The following ATP1A4 variants were observed in gnomAD, a reference collection of about 807,000 sequenced individuals.
The protein encoded by ATP1A4 is ATPase Na+/K+ transporting subunit alpha 4.
ATP1A4 carries 90 observed loss-of-function variants against 114.3 expected under a neutral mutation model. That is an observed-to-expected ratio of 0.79 (90% confidence interval 0.66 to 0.94). The LOEUF (loss-of-function observed/expected upper bound fraction) is 0.94, where lower values mean the gene tolerates loss of function less well. ATP1A4 is among the 40% of genes least tolerant of loss of function. The pLI is 0.00. For missense variants in ATP1A4, 1,222 were observed against 1,313.6 expected, an observed-to-expected ratio of 0.93 and a Z score of 1.08; for synonymous variants, 511 against 494.1, an observed-to-expected ratio of 1.03 and a Z score of -0.45.
chr1:160,164,287 A>G lies in ATP1A4; in HGVS notation c.910A>G (p.Thr304Ala), dbSNP rs778876291. 3.1e-6 allele frequency: 5 copies of G among 1,613,982 alleles called. No individual in the cohort carries two copies. The Admixed American group carries it at 8.3e-5, about 27-fold the overall frequency. The change falls in exon 7 of 22, where the codon ACT becomes GCT. Residue 304 changes from threonine (T) to alanine (A), a missense_variant. Thr to Ala is a moderately conservative substitution (Grantham distance 58). Transcript: ENST00000368081. ...GATCGAACACTTCATCCATCTGATC[A>G]CTGTGGTGGCCGTCTTCCTTGGTGT... ...AEIEHFIHLI[T>A]VVAVFLGVTF...
intron 20 of ATP1A4, among the ~76,000 whole-genome samples, chr1:160,183,717 G>A (rs1653786208): frequency 6.6e-6 from 1 of 152,196 alleles, no homozygotes; most frequent in African/African-American, 2.4e-5. Context: ...TTTGACATAT[G>A]AGACTAGGGA....
chr1:160,181,593 C>T, intron 18 of ATP1A4, 91 bp from the exon 19 acceptor site: 1 of 1,459,892 alleles, frequency 6.8e-7, no homozygotes, highest in Non-Finnish European at 9.3e-7. Flanking sequence ...CTGACTCAGC[C>T]CAGGGGTCCT....
At chr1:160,177,930 C>T (rs1653539651) in intron 18 of ATP1A4, among the ~76,000 whole-genome samples, 1 of 152,170 alleles carries the variant, frequency 6.6e-6, no homozygotes, top group African/African-American at 2.4e-5. Context: ...CCTTTGGCTC[C>T]TTGGAGTCTT....
rs1571005689 is a variant in ATP1A4 at position 160,151,759 on chromosome 1, C to T, written c.-282C>T. 2.0e-5 allele frequency: 7 copies of T among 354,922 alleles called. No homozygotes were observed. In the East Asian group the frequency reaches 3.0e-4, roughly 15 times the overall value. 22.0% of individuals were successfully genotyped at this position (354,922 alleles called of 1,614,324 possible). A position where few individuals can be genotyped will look rare whatever the true frequency, so the allele number is the denominator to read the frequency against. On this transcript the variant is annotated 5_prime_UTR_variant, in exon 1 of 22. Transcript: ENST00000368081. ...TCACCTCTACCTTTTTATCCTTCCA[C>T]CCTAGGCTTCTCTCCTCCCTCTTCC... is the stretch of plus-strand genomic sequence containing the variant.
chr1:160,180,100 A>G (rs1319353446), intron 18 of ATP1A4, among the ~76,000 whole-genome samples: 2 of 152,208 alleles, frequency 1.3e-5, no homozygotes, highest in Non-Finnish European at 2.9e-5. Context: ...ATCTCCAAAA[A>G]CAAGGACAGA....
intron 17 of ATP1A4, 152 bp downstream of exon 17, chr1:160,176,754 C>A: frequency 9.5e-7 from 1 of 1,056,722 alleles, no homozygotes; most frequent in Non-Finnish European, 1.3e-6. Flanking sequence ...CATCTCTGAT[C>A]TGTCCTTGAC....
intron 6 of ATP1A4, 141 bp from the exon 7 acceptor site, chr1:160,164,015 T>C (rs1652944921): frequency 8.9e-7 from 1 of 1,117,890 alleles, no homozygotes; most frequent in Admixed American, 2.8e-5. Context: ...AAAGACCAAA[T>C]ATTAGAACAA....
intron 20 of ATP1A4, among the ~76,000 whole-genome samples, chr1:160,184,596 C>T (rs545886042): frequency 1.3e-5 from 2 of 152,114 alleles, no homozygotes; most frequent in African/African-American, 2.4e-5. Flanking sequence ...ATATTGATTA[C>T]ATATTTAACT....
At chr1:160,162,516 C>T (rs1652898021) in intron 6 of ATP1A4, among the ~76,000 whole-genome samples, 1 of 152,184 alleles carries the variant, frequency 6.6e-6, no homozygotes, top group East Asian at 1.9e-4. Context: ...GCGCAAGTTA[C>T]AGCAGGATTT....
At chr1:160,166,913 C>A in intron 8 of ATP1A4, 55 bp from the exon 9 acceptor site, 1 of 1,576,614 alleles carries the variant, frequency 6.3e-7, no homozygotes. Flanking sequence ...TGTGAATAAC[C>A]GCTTGCTTAA....
At position 160,174,559 on chromosome 1, in the gene ATP1A4, C is replaced by A; in HGVS notation, c.2143-20C>A. On this transcript the variant is annotated intron_variant, in intron 14 of 21. Transcript: ENST00000368081. ...TCTGATGCAATAAATTGTTCACTCT[C>A]TCTGTCTGGACTTCCTCAGGGAGCC... 1 of 1,609,042 alleles carries A rather than the reference C, an allele frequency of 6.2e-7. No individual in the cohort carries two copies. Among genetic ancestry groups the A allele is most frequent in the Non-Finnish European group, 8.5e-7 (1 of 1,176,324 alleles).
chr1:160,166,700 A>C lies in ATP1A4; in HGVS notation c.1220A>C (p.Glu407Ala). ...ATGTGGTTTGATATGACCGTGTATGAGGCCGACACCACTGAAGAACAGACT... is the reference window on the plus strand; with the variant it reads ...ATGTGGTTTGATATGACCGTGTATGCGGCCGACACCACTGAAGAACAGACT... ...AHMWFDMTVY[E>A]ADTTEEQTGK... Residue 407 changes from glutamate to alanine, a missense_variant, in exon 8 of 22, where the codon GAG (glutamate) becomes GCG (alanine). Coordinates refer to ENST00000368081, the MANE Select transcript of ATP1A4 (RefSeq NM_144699.4). 1 of 1,614,198 alleles carries C rather than the reference A, an allele frequency of 6.2e-7. No homozygotes were observed. The highest frequency in any genetic ancestry group is 2.2e-5 in the East Asian group (1 of 44,884).
At chr1:160,163,587 A>G (rs911382406) in intron 6 of ATP1A4, among the ~76,000 whole-genome samples, 1 of 152,224 alleles carries the variant, frequency 6.6e-6, no homozygotes, top group Non-Finnish European at 1.5e-5. Flanking sequence ...GGGAAGGAGC[A>G]TGGAGGAGCG....
intron 13 of ATP1A4, 104 bp downstream of exon 13, chr1:160,173,821 T>G: frequency 7.1e-7 from 1 of 1,409,784 alleles, no homozygotes; most frequent in Non-Finnish European, 9.7e-7. Flanking sequence ...CTTCAATAGG[T>G]AGGATGTGTG....
chr1:160,166,591 G>T lies in ATP1A4; in HGVS notation c.1111G>T (p.Ala371Ser), dbSNP rs1482620889. ...RKNCLVKNLE[A>S]VETLGSTSTI... ...GAACTGCCTGGTGAAGAACCTGGAG[G>T]CGGTGGAGACGCTGGGCTCCACGTC... Residue 371 changes from alanine (A) to serine (S), a missense_variant, in exon 8 of 22, where the codon GCG (alanine) becomes TCG (serine). Coordinates refer to ENST00000368081, the MANE Select transcript of ATP1A4 (RefSeq NM_144699.4). The T allele has an allele frequency of 2.5e-6, 4 of 1,614,112 alleles. No individual in the cohort carries two copies. Among genetic ancestry groups the T allele is most frequent in the African/African-American group, 1.3e-5 (1 of 74,938 alleles).
Position 160,173,584 on chromosome 1 carries a change from A to G in ATP1A4, c.1858A>G (p.Ile620Val). 1 of 1,613,416 alleles carries G rather than the reference A, an allele frequency of 6.2e-7. No individual in the cohort carries two copies. Among genetic ancestry groups the G allele is most frequent in the African/African-American group, 1.3e-5 (1 of 75,052 alleles). Residue 620 changes from isoleucine (I) to valine (V), a missense_variant, in exon 13 of 22, where the codon ATC (isoleucine) becomes GTC (valine). By Grantham distance (29) the Ile-to-Val change is conservative (BLOSUM62 3). Transcript: ENST00000368081. The stretch of plus-strand genomic sequence containing the variant: ...TTCCCTCTCCTTCCCAACCCAGGTG[A>G]TCATGGTAACAGGAGATCATCCCAT... ...SKCRSAGIKV[I>V]MVTGDHPITA...
chr1:160,156,923 A>G (rs1017739678), intron 4 of ATP1A4, among the ~76,000 whole-genome samples: 10 of 152,228 alleles, frequency 6.6e-5, no homozygotes, highest in African/African-American at 2.4e-4. Context: ...GACGAGCCTG[A>G]GTAGTATAGT....
At chr1:160,164,095 C>A in intron 6 of ATP1A4, 61 bp from the exon 7 acceptor site, 1 of 1,571,928 alleles carries the variant, frequency 6.4e-7, no homozygotes. Flanking sequence ...GGGCAGAGAC[C>A]AATATCTATA....
chr1:160,177,844 C>T (rs574653948), intron 18 of ATP1A4, among the ~76,000 whole-genome samples, 180 bp downstream of exon 18: 3 of 152,356 alleles, frequency 2.0e-5, no homozygotes, highest in South Asian at 2.1e-4. Flanking sequence ...GCCACAACAG[C>T]AAATCCTCTT....
Sources: gnomAD v4.1 joint callset for allele counts (sites outside exome capture counted in the v4.1 genomes callset) on GRCh38, gnomAD v4.1.1 for gene constraint, MANE v1.5 for transcripts, NCBI Gene and HGNC (gene_info 2026-07-23, HGNC 2026-07-21) for gene names.